The following CAST variants were observed in gnomAD, a reference collection of about 807,000 sequenced individuals.
The protein encoded by CAST is MIR583 host.
CAST carries 76 observed loss-of-function variants against 119.6 expected under a neutral mutation model. The observed-to-expected ratio is 0.64, with a 90% confidence interval of 0.53 to 0.77. The LOEUF is 0.77. Ranked by LOEUF, CAST falls within the 30% of genes least tolerant of loss-of-function variation. CAST has a pLI of 0.00. For synonymous variants in CAST, 319 were observed against 331.6 expected (o/e 0.96, Z 0.41); for missense variants, 953 against 946.5 (o/e 1.01, Z -0.09).
chr5:96,222,705 T>C, the CAST span, among the ~76,000 whole-genome samples: 1 of 151,882 alleles, frequency 6.6e-6, no homozygotes, highest in East Asian at 1.9e-4. Flanking sequence ...AATACAGAGA[T>C]TTCTCAAACT....
At chr5:96,310,355 G>C in the CAST span, among the ~76,000 whole-genome samples, 13 of 152,112 alleles carry the variant, frequency 8.5e-5, no homozygotes, top group Non-Finnish European at 1.6e-4. Flanking sequence ...GAGGACTTTT[G>C]CACTGATGTT....
chr5:96,536,025 T>C (rs1044165957), intron 1 of CAST, among the ~76,000 whole-genome samples: 1 of 139,080 alleles, frequency 7.2e-6, no homozygotes, highest in Non-Finnish European at 1.5e-5. Flanking sequence ...ATGTTAAATA[T>C]TTAAGGTTTT....
the CAST span, among the ~76,000 whole-genome samples, chr5:96,474,910 T>C: frequency 1.3e-5 from 2 of 152,284 alleles, no homozygotes; most frequent in Admixed American, 1.3e-4. Context: ...CCAGACTGCC[T>C]TATGGAAAGA....
At chr5:96,619,582 A>C (rs771597457) in intron 1 of CAST, among the ~76,000 whole-genome samples, 2 of 152,114 alleles carry the variant, frequency 1.3e-5, no homozygotes, top group Non-Finnish European at 2.9e-5. Flanking sequence ...GCTGTTCCTC[A>C]CTGTTTGGGT....
At chr5:96,420,787 A>AAGAGAG in the CAST span, among the ~76,000 whole-genome samples, 415 of 143,430 alleles carry the variant, frequency 2.9e-3, 3 homozygotes, top group African/African-American at 9.0e-3. Flanking sequence ...GAGAGAGAGA[A>AAGAGAG]AGAGAGAGAG....
At chr5:96,111,741 C>T in the CAST span, among the ~76,000 whole-genome samples, 16 of 152,194 alleles carry the variant, frequency 1.1e-4, no homozygotes, top group African/African-American at 3.9e-4. Context: ...AAGCTACATT[C>T]AGCAAGTACT....
the CAST span, among the ~76,000 whole-genome samples, chr5:96,172,766 T>C: frequency 6.6e-6 from 1 of 152,232 alleles, no homozygotes; most frequent in South Asian, 2.1e-4. Context: ...ATGTAGTTTA[T>C]AGATCCTCTA....
the CAST span, among the ~76,000 whole-genome samples, chr5:96,493,763 G>A: frequency 6.6e-6 from 1 of 152,294 alleles, no homozygotes; most frequent in East Asian, 1.9e-4. Flanking sequence ...TTTAGGCCAG[G>A]AACGGTGTCT....
intron 15 of CAST, chr5:96,742,335 GCTT>G (rs1762856287): frequency 4.9e-6 from 1 of 202,108 alleles, no homozygotes; most frequent in Non-Finnish European, 1.0e-5. Flanking sequence ...TTTACTACTT[GCTT>G]CTTTTTTTTT....
chr5:96,774,419 A>T lies in CAST; in HGVS notation c.*1803A>T, dbSNP rs558839352. On this transcript the variant is annotated 3_prime_UTR_variant, in exon 32 of 32. Coordinates refer to ENST00000675179, the MANE Select transcript of CAST (RefSeq NM_001750.7). ...TAATAACTAATAACTGGAGTAAGCT[A>T]CAGGATCTAAAGCAGCCCTTTTTAC... The T allele has an allele frequency of 2.9e-6, 2 of 693,306 alleles. No individual in the cohort carries two copies. Among genetic ancestry groups the T allele is most frequent in the South Asian group, 1.3e-4 (2 of 15,640 alleles). 42.9% of individuals were successfully genotyped at this position (693,306 alleles called of 1,614,324 possible). A position where few individuals can be genotyped will look rare whatever the true frequency, so the allele number is the denominator to read the frequency against.
the CAST span, among the ~76,000 whole-genome samples, chr5:96,068,460 G>A: frequency 1.5e-4 from 23 of 151,898 alleles, no homozygotes; most frequent in Non-Finnish European, 2.9e-4. Context: ...AACTTCTCCT[G>A]CTCCATATTC....
intron 1 of CAST, among the ~76,000 whole-genome samples, chr5:96,664,284 ATATT>A (rs1156390024): frequency 6.6e-6 from 1 of 151,742 alleles, no homozygotes; most frequent in African/African-American, 2.4e-5. Context: ...GTATGTGTGT[ATATT>A]TACAGTGTGT....
intron 31 of CAST, chr5:96,771,984 A>G: frequency 4.1e-6 from 1 of 245,742 alleles, no homozygotes; most frequent in Non-Finnish European, 7.8e-6. Flanking sequence ...GGCTAGTTGA[A>G]TCTTTGAAAT....
intron 1 of CAST, among the ~76,000 whole-genome samples, chr5:96,619,597 G>A (rs1220942436): frequency 1.3e-5 from 2 of 152,138 alleles, no homozygotes; most frequent in African/African-American, 2.4e-5. Context: ...TTGGGTCTGC[G>A]CTTCCTTTAT....
the CAST span, among the ~76,000 whole-genome samples, chr5:96,130,297 A>G: frequency 6.6e-6 from 1 of 152,036 alleles, no homozygotes; most frequent in African/African-American, 2.4e-5. Flanking sequence ...CGGATATTCT[A>G]CAAAATACCT....
the CAST span, among the ~76,000 whole-genome samples, chr5:96,519,948 A>G: frequency 6.6e-6 from 1 of 152,140 alleles, no homozygotes; most frequent in Non-Finnish European, 1.5e-5. Context: ...TTTTAAAAAA[A>G]CTATTTATTT....
chr5:96,492,073 C>T, the CAST span, among the ~76,000 whole-genome samples: 1 of 152,202 alleles, frequency 6.6e-6, no homozygotes, highest in Non-Finnish European at 1.5e-5. Context: ...CACAGAGATA[C>T]ACGTAGTTAA....
At chr5:96,489,378 G>T in the CAST span, among the ~76,000 whole-genome samples, 1 of 152,106 alleles carries the variant, frequency 6.6e-6, no homozygotes, top group Non-Finnish European at 1.5e-5. Flanking sequence ...AGCTGATTGA[G>T]TAATGCACAA....
chr5:96,130,922 G>A, the CAST span, among the ~76,000 whole-genome samples: 1 of 152,016 alleles, frequency 6.6e-6, no homozygotes, highest in Non-Finnish European at 1.5e-5. Context: ...CTCCTACATC[G>A]TTGAGTGAAG....
Sources: gnomAD v4.1 joint callset for allele counts (sites outside exome capture counted in the v4.1 genomes callset) on GRCh38, gnomAD v4.1.1 for gene constraint, MANE v1.5 for transcripts, NCBI Gene and HGNC (gene_info 2026-07-23, HGNC 2026-07-21) for gene names.